Variants in FCHSD2 observed in about 807,000 individuals in gnomAD.
FCHSD2 encodes the protein FCH and double SH3 domains 2, also known as F-BAR and double SH3 domains protein 2.
FCHSD2 carries 38 observed loss-of-function variants against 108.1 expected under a neutral mutation model. The ratio of observed to expected loss-of-function variants is 0.35; its 90% CI spans 0.27 to 0.46. The LOEUF is 0.46. Ranked by LOEUF, FCHSD2 falls within the 20% of genes least tolerant of loss-of-function variation. The pLI, the probability that FCHSD2 is intolerant of heterozygous loss-of-function variation, is 1.00. For missense variants in FCHSD2, 751 were observed against 897.8 expected, an observed-to-expected ratio of 0.84 and a Z score of 2.09; for synonymous variants, 279 against 314.7, an observed-to-expected ratio of 0.89 and a Z score of 1.20.
chr11:72,955,435 G>A (rs1856694706), intron 8 of FCHSD2, among the ~76,000 whole-genome samples: 1 of 152,126 alleles, frequency 6.6e-6, no homozygotes, highest in Non-Finnish European at 1.5e-5. Flanking sequence ...CCTGTCCTGG[G>A]TTTTTCATAG....
chr11:73,134,462 CCT>C (rs1861076485), intron 2 of FCHSD2, among the ~76,000 whole-genome samples: 1 of 151,774 alleles, frequency 6.6e-6, no homozygotes, highest in Non-Finnish European at 1.5e-5. Flanking sequence ...AGGGCGAGAC[CCT>C]GTCTCAAAAA....
At chr11:72,947,345 A>C (rs1454518430) in intron 8 of FCHSD2, among the ~76,000 whole-genome samples, 2 of 152,216 alleles carry the variant, frequency 1.3e-5, no homozygotes, top group Non-Finnish European at 2.9e-5. Flanking sequence ...AGAACTGAAG[A>C]GGTTTTCCCA....
chr11:72,993,970 G>T (rs1857472311), intron 5 of FCHSD2, among the ~76,000 whole-genome samples: 2 of 152,118 alleles, frequency 1.3e-5, no homozygotes, highest in African/African-American at 2.4e-5. Flanking sequence ...TGTGAGTACG[G>T]TGTATCCGGA....
chr11:73,118,881 A>T (rs1318720632), intron 2 of FCHSD2, among the ~76,000 whole-genome samples: 3 of 152,308 alleles, frequency 2.0e-5, no homozygotes, highest in South Asian at 4.1e-4. Flanking sequence ...GGAAAACCAC[A>T]TTTGGTTCCT....
intron 10 of FCHSD2, among the ~76,000 whole-genome samples, chr11:72,891,005 C>T (rs562255277): frequency 6.6e-6 from 1 of 152,228 alleles, no homozygotes; most frequent in African/African-American, 2.4e-5. Context: ...GCAGCCTCAA[C>T]CTCCGGGCTC....
At chr11:73,046,563 T>C (rs190780372) in intron 3 of FCHSD2, among the ~76,000 whole-genome samples, 50 of 152,318 alleles carry the variant, frequency 3.3e-4, no homozygotes, top group African/African-American at 1.1e-3. Flanking sequence ...TATAAATTGG[T>C]GTAGCATTTT....
intron 1 of FCHSD2, among the ~76,000 whole-genome samples, chr11:73,140,913 G>T (rs530437541): frequency 6.6e-6 from 1 of 152,296 alleles, no homozygotes; most frequent in Admixed American, 6.5e-5. Flanking sequence ...GTACATGTTC[G>T]AAAGAAAAGG....
chr11:72,928,908 T>C (rs530875272), intron 8 of FCHSD2, among the ~76,000 whole-genome samples: 52 of 151,892 alleles, frequency 3.4e-4, no homozygotes, highest in African/African-American at 1.0e-3. Flanking sequence ...ATGTGTGATG[T>C]TCCCCTTCCT....
intron 6 of FCHSD2, among the ~76,000 whole-genome samples, chr11:72,985,505 A>T (rs1857293961): frequency 6.6e-6 from 1 of 152,196 alleles, no homozygotes; most frequent in South Asian, 2.1e-4. Context: ...AGACCCAGGG[A>T]CAATCAACCT....
At chr11:72,853,193 C>T (rs1024858724) in intron 13 of FCHSD2, among the ~76,000 whole-genome samples, 1 of 152,102 alleles carries the variant, frequency 6.6e-6, no homozygotes, top group Non-Finnish European at 1.5e-5. Context: ...TAAACCTTCA[C>T]ATACATGATT....
At chr11:73,118,979 A>C (rs909231559) in intron 2 of FCHSD2, among the ~76,000 whole-genome samples, 1 of 152,218 alleles carries the variant, frequency 6.6e-6, no homozygotes, top group Non-Finnish European at 1.5e-5. Context: ...CTAATAAATA[A>C]ATAATTAATT....
At chr11:73,016,175 C>T (rs978154384) in intron 3 of FCHSD2, among the ~76,000 whole-genome samples, 13 of 151,764 alleles carry the variant, frequency 8.6e-5, no homozygotes, top group Admixed American at 3.3e-4. Context: ...TGGTAGCATG[C>T]GCCTGTAGTC....
chr11:72,926,699 C>G (rs1479178088), intron 8 of FCHSD2, among the ~76,000 whole-genome samples: 1 of 152,214 alleles, frequency 6.6e-6, no homozygotes, highest in Non-Finnish European at 1.5e-5. Context: ...CTACCGCATA[C>G]TTCCAGGACA....
At chr11:72,928,678 T>C (rs925845275) in intron 8 of FCHSD2, among the ~76,000 whole-genome samples, 5 of 152,188 alleles carry the variant, frequency 3.3e-5, no homozygotes, top group African/African-American at 1.2e-4. Flanking sequence ...CTTATTTAAG[T>C]AGGTGAGAGG....
At chr11:72,913,856 T>TGG (rs1855817657) in intron 9 of FCHSD2, among the ~76,000 whole-genome samples, 1 of 126,666 alleles carries the variant, frequency 7.9e-6, no homozygotes, top group African/African-American at 3.0e-5. Flanking sequence ...ACCCTAGAAA[T>TGG]ACAGCTAACA....
intron 3 of FCHSD2, among the ~76,000 whole-genome samples, chr11:73,046,177 G>A (rs1222296680): frequency 6.6e-6 from 1 of 151,950 alleles, no homozygotes; most frequent in Non-Finnish European, 1.5e-5. Context: ...GTTTTGTAAA[G>A]ACAGGGGTCT....
chr11:73,037,664 G>C, intron 3 of FCHSD2, among the ~76,000 whole-genome samples: 1 of 152,078 alleles, frequency 6.6e-6, no homozygotes. Context: ...TTATGAATGT[G>C]GCCATTTAAT....
intron 8 of FCHSD2, among the ~76,000 whole-genome samples, chr11:72,978,263 A>G (rs771123093): frequency 5.3e-5 from 8 of 152,172 alleles, no homozygotes; most frequent in Admixed American, 6.5e-5. Flanking sequence ...TACATATGTA[A>G]CAAACCTGCA....
chr11:73,124,055 A>G (rs1860795642), intron 2 of FCHSD2, among the ~76,000 whole-genome samples: 2 of 152,228 alleles, frequency 1.3e-5, no homozygotes, highest in South Asian at 4.1e-4. Context: ...TGTGGCACAT[A>G]CACACCATGG....
Sources: gnomAD v4.1 joint callset for allele counts (sites outside exome capture counted in the v4.1 genomes callset) on GRCh38, gnomAD v4.1.1 for gene constraint, MANE v1.5 for transcripts, NCBI Gene and HGNC (gene_info 2026-07-23, HGNC 2026-07-21) for gene names.